The following KLF12 variants were observed in gnomAD, a reference collection of about 807,000 sequenced individuals.
The protein encoded by KLF12 is Krueppel-like factor 12.
A neutral mutation model predicts 37.8 loss-of-function variants in KLF12; 9 were observed. The ratio of observed to expected loss-of-function variants is 0.24; its 90% CI spans 0.14 to 0.42. The LOEUF (loss-of-function observed/expected upper bound fraction) is 0.42, where lower values mean the gene tolerates loss of function less well. Among genes scored for constraint, KLF12 ranks in the 10% least tolerant of loss-of-function variants. The pLI is 1.00. For synonymous variants in KLF12, 208 were observed against 202.1 expected, an observed-to-expected ratio of 1.03 and a Z score of -0.25; for missense variants, 411 against 516.0, an observed-to-expected ratio of 0.80 and a Z score of 1.97.
At chr13:74,026,182 G>A (rs961664056) in intron 1 of KLF12, among the ~76,000 whole-genome samples, 1 of 151,118 alleles carries the variant, frequency 6.6e-6, no homozygotes, top group Non-Finnish European at 1.5e-5. Context: ...CCTTTACCTT[G>A]GAGGAAAACT....
intron 1 of KLF12, among the ~76,000 whole-genome samples, chr13:74,037,817 T>TCTGTGG (rs1893296885): frequency 6.6e-6 from 1 of 152,164 alleles, no homozygotes; most frequent in Non-Finnish European, 1.5e-5. Flanking sequence ...TGAATACAGA[T>TCTGTGG]AAAATCACTG....
the KLF12 span, among the ~76,000 whole-genome samples, chr13:74,297,277 G>A: frequency 1.3e-5 from 2 of 152,184 alleles, no homozygotes; most frequent in Non-Finnish European, 2.9e-5. Context: ...TAGTTGCAGG[G>A]CCTATTAAGA....
chr13:73,920,643 G>T (rs1343114774), intron 3 of KLF12, among the ~76,000 whole-genome samples: 1 of 152,032 alleles, frequency 6.6e-6, no homozygotes, highest in Non-Finnish European at 1.5e-5. Flanking sequence ...CCCTTTCAAA[G>T]TTAATTTTTC....
At chr13:74,139,382 A>G in the KLF12 span, among the ~76,000 whole-genome samples, 3 of 152,236 alleles carry the variant, frequency 2.0e-5, no homozygotes, top group African/African-American at 7.2e-5. Context: ...TGCTTCTTGA[A>G]TCAATGAAAC....
rs556225708 is a variant in KLF12 at position 73,771,283 on chromosome 13, G to A, written c.807-6283C>T. ...GGGACAAGGGAACTTTTCTCTTTTT[G>A]CTTACTGTCATATCTCCAGTACCTG... On this transcript the variant is annotated intron_variant, in intron 5 of 7. Transcript: ENST00000377669. Among the ~76,000 whole-genome samples the A allele has an allele frequency of 5.3e-5, 8 of 152,186 alleles. No homozygotes were observed. In the South Asian group the frequency reaches 1.7e-3, roughly 32 times the overall value.
the KLF12 span, among the ~76,000 whole-genome samples, chr13:74,244,020 A>T: frequency 6.6e-6 from 1 of 152,192 alleles, no homozygotes; most frequent in Non-Finnish European, 1.5e-5. Flanking sequence ...TGAGTATCGG[A>T]AACATCTACT....
chr13:74,242,550 G>A, the KLF12 span, among the ~76,000 whole-genome samples: 2 of 152,176 alleles, frequency 1.3e-5, no homozygotes, highest in Non-Finnish European at 2.9e-5. Flanking sequence ...GGAATTACGG[G>A]AGCTACAATT....
chr13:73,738,399 G>A (rs1258787092), intron 6 of KLF12, among the ~76,000 whole-genome samples: 1 of 151,048 alleles, frequency 6.6e-6, no homozygotes, highest in Non-Finnish European at 1.5e-5. Context: ...TGATCCACCC[G>A]CCTCAGCCTC....
rs558038203 is a variant in KLF12, at chr13:73,897,820, C to T, written c.123+46161G>A. 2.6e-5 allele frequency among the ~76,000 whole-genome samples: 4 copies of T among 152,290 alleles called. No homozygotes were observed. In the East Asian group the frequency reaches 7.7e-4, roughly 29 times the overall value. ...ATACAAATCTAATGATGCAATGCCTCTATTAAAAAATGTTTTGGTTGTTCT... is the reference window on the plus strand; with the variant it reads ...ATACAAATCTAATGATGCAATGCCTTTATTAAAAAATGTTTTGGTTGTTCT... On this transcript the variant is annotated intron_variant, in intron 3 of 7. Transcript: ENST00000377669.
chr13:73,991,510 A>G, intron 2 of KLF12, among the ~76,000 whole-genome samples: 1 of 152,246 alleles, frequency 6.6e-6, no homozygotes, highest in East Asian at 1.9e-4. Context: ...TGACAGTTTT[A>G]AACCTTTTTC....
chr13:73,911,240 A>C (rs1888556869), intron 3 of KLF12, among the ~76,000 whole-genome samples: 1 of 152,138 alleles, frequency 6.6e-6, no homozygotes, highest in Non-Finnish European at 1.5e-5. Flanking sequence ...ATATTAATAA[A>C]ATTTTTAAAA....
At chr13:73,971,093 G>A (rs113129827) in intron 2 of KLF12, among the ~76,000 whole-genome samples, 4 of 152,232 alleles carry the variant, frequency 2.6e-5, no homozygotes, top group South Asian at 2.1e-4. Context: ...AAAGTTACTC[G>A]AACCTGGCAA....
At chr13:74,059,247 C>T (rs7335812) in intron 1 of KLF12, among the ~76,000 whole-genome samples, 58,562 of 152,100 alleles carry the variant, frequency 0.39, 12,120 homozygotes, top group African/African-American at 0.53. Context: ...GCGATAAACA[C>T]ACAAGAGCAA....
the KLF12 span, among the ~76,000 whole-genome samples, chr13:74,265,485 G>C: frequency 6.6e-6 from 1 of 152,184 alleles, no homozygotes; most frequent in Admixed American, 6.5e-5. Flanking sequence ...TTCTAGACCT[G>C]TGGTCGTTTT....
intron 1 of KLF12, among the ~76,000 whole-genome samples, chr13:74,009,652 C>T (rs570728327): frequency 1.3e-5 from 2 of 152,274 alleles, no homozygotes; most frequent in Admixed American, 6.5e-5. Flanking sequence ...TACTTCTAAA[C>T]GGCTTGATTT....
At chr13:74,215,625 G>A in the KLF12 span, among the ~76,000 whole-genome samples, 1 of 151,916 alleles carries the variant, frequency 6.6e-6, no homozygotes, top group African/African-American at 2.4e-5. Flanking sequence ...CCACCTGATG[G>A]CCTTTCTTTG....
intron 1 of KLF12, among the ~76,000 whole-genome samples, chr13:74,120,886 A>G (rs1877589271): frequency 6.6e-6 from 1 of 152,036 alleles, no homozygotes; most frequent in African/African-American, 2.4e-5. Flanking sequence ...AGATTAACTA[A>G]TAAGCCAATA....
chr13:73,897,483 C>G (rs1004727687), intron 3 of KLF12, among the ~76,000 whole-genome samples: 3 of 152,160 alleles, frequency 2.0e-5, no homozygotes, highest in East Asian at 1.9e-4. Flanking sequence ...TCCTCCAGGG[C>G]TCTCTATTCC....
upstream of KLF12, among the ~76,000 whole-genome samples, chr13:74,137,856 G>T (rs1878603451): frequency 6.6e-6 from 1 of 152,172 alleles, no homozygotes; most frequent in Non-Finnish European, 1.5e-5. Context: ...CGCCTCCCGC[G>T]TTCAAGCGAT....
Sources: allele counts gnomAD v4.1 joint callset (sites outside exome capture counted in the v4.1 genomes callset), GRCh38; gene constraint gnomAD v4.1.1; transcripts MANE v1.5; gene names NCBI Gene and HGNC (gene_info 2026-07-23, HGNC 2026-07-21).